The following CPO variants were observed in gnomAD, a reference collection of about 807,000 sequenced individuals.
CPO encodes carboxypeptidase O, also known as metallocarboxypeptidase C.
In CPO, 43 loss-of-function variants were observed where a neutral mutation model predicts 41.2. That is an observed-to-expected ratio of 1.04 (90% CI 0.82 to 1.35). The LOEUF (loss-of-function observed/expected upper bound fraction) is 1.35, where lower values mean the gene tolerates loss of function less well. Among genes scored for constraint, CPO ranks in the 40% most tolerant of loss-of-function variants. The probability of loss-of-function intolerance (pLI) is 0.00; values close to 1 mark genes in which losing one functional copy is unlikely to be tolerated. For missense variants in CPO, 408 were observed against 451.7 expected, an observed-to-expected ratio of 0.90 and a Z score of 0.88; for synonymous variants, 178 against 162.7, an observed-to-expected ratio of 1.09 and a Z score of -0.72.
intron 6 of CPO, among the ~76,000 whole-genome samples, chr2:206,961,334 C>T (rs1023588756): frequency 6.6e-6 from 1 of 152,160 alleles, no homozygotes; most frequent in Non-Finnish European, 1.5e-5. Flanking sequence ...ATGGCATTTT[C>T]ATGTTTCCAA....
chr2:206,957,099 C>T (rs1040010034), intron 3 of CPO, among the ~76,000 whole-genome samples: 1 of 152,078 alleles, frequency 6.6e-6, no homozygotes, highest in Non-Finnish European at 1.5e-5. Flanking sequence ...AGGACATTGG[C>T]GGGTGCGGTG....
chr2:206,958,732 T>G (rs893670199), intron 4 of CPO, among the ~76,000 whole-genome samples: 7 of 136,350 alleles, frequency 5.1e-5, no homozygotes, highest in Admixed American at 1.4e-4. Context: ...TTTCTAGTTT[T>G]TTTTTTTTTT....
intron 1 of CPO, among the ~76,000 whole-genome samples, chr2:206,943,506 A>T (rs1185491065): frequency 1.3e-5 from 2 of 152,002 alleles, no homozygotes; most frequent in Non-Finnish European, 1.5e-5. Flanking sequence ...GACAATTTGG[A>T]CGATTTTTTA....
At chr2:206,956,646 AC>A (rs1693372378) in intron 3 of CPO, among the ~76,000 whole-genome samples, 1 of 152,196 alleles carries the variant, frequency 6.6e-6, no homozygotes, top group Admixed American at 6.5e-5. Flanking sequence ...TGCATTTCTA[AC>A]AAGTTCCTAG....
At chr2:206,948,961 A>T (rs1693199145) in intron 1 of CPO, among the ~76,000 whole-genome samples, 1 of 152,106 alleles carries the variant, frequency 6.6e-6, no homozygotes, top group South Asian at 2.1e-4. Flanking sequence ...AAGATTGTGC[A>T]TGTGTGAGAA....
chr2:206,949,531 T>C, intron 1 of CPO, 86 bp from the exon 2 acceptor site: 1 of 905,962 alleles, frequency 1.1e-6, no homozygotes, highest in East Asian at 2.5e-5. Context: ...TGCACACTGA[T>C]TCTACTACCT....
At chr2:206,966,282 T>C (rs1693574682) in intron 7 of CPO, among the ~76,000 whole-genome samples, 1 of 151,356 alleles carries the variant, frequency 6.6e-6, no homozygotes, top group African/African-American at 2.4e-5. Context: ...GCAAGTGTAG[T>C]CTGGTCTGAT....
chr2:206,942,716 A>C (rs1201640960), intron 1 of CPO, among the ~76,000 whole-genome samples: 1 of 152,154 alleles, frequency 6.6e-6, no homozygotes, highest in Admixed American at 6.6e-5. Flanking sequence ...GAGACTGGTG[A>C]TAATTTGGGA....
At chr2:206,955,361 G>T (rs895535511) in intron 2 of CPO, 102 bp from the exon 3 acceptor site, 4 of 772,332 alleles carry the variant, frequency 5.2e-6, no homozygotes, top group African/African-American at 5.1e-5. Flanking sequence ...CTAGAGCAAA[G>T]ATAACAGAGT....
At chr2:206,956,406 T>TCAG (rs1322003320) in intron 3 of CPO, among the ~76,000 whole-genome samples, 2 of 128,544 alleles carry the variant, frequency 1.6e-5, no homozygotes, top group East Asian at 4.1e-4. Flanking sequence ...ACTTAAATCA[T>TCAG]CATCATCATC....
chr2:206,952,918 G>A (rs895017393), intron 2 of CPO, among the ~76,000 whole-genome samples: 25 of 152,314 alleles, frequency 1.6e-4, no homozygotes, highest in African/African-American at 6.0e-4. Flanking sequence ...ATGGCAGCAG[G>A]CAAGAGAGTG....
chr2:206,951,895 C>T (rs957840116), intron 2 of CPO, among the ~76,000 whole-genome samples: 16 of 152,180 alleles, frequency 1.1e-4, no homozygotes, highest in Admixed American at 4.6e-4. Context: ...TCTCTCAAGA[C>T]ATAAGGCATC....
In CPO at chr2:206,959,270, C is replaced by T. The variant is rs764769744; in HGVS notation, c.373-361C>T. Among the ~76,000 whole-genome samples, 3 of 152,238 alleles carry T rather than the reference C, an allele frequency of 2.0e-5. No homozygotes were observed. The East Asian group carries it at 5.8e-4, about 29-fold the overall frequency. ...AGAGAAACTCATAAAGAGTAGTTCT[C>T]GGAGTGTTGTCCCCAGATCAACAGT... On this transcript the variant is annotated intron_variant, in intron 4 of 8. Transcript: ENST00000272852.
intron 7 of CPO, 128 bp from the exon 8 acceptor site, chr2:206,968,135 G>C (rs1211082795): frequency 7.1e-6 from 5 of 707,590 alleles, no homozygotes; most frequent in African/African-American, 7.0e-5. Flanking sequence ...CCTAGATGTA[G>C]ATGTCCGATG....
At chr2:206,941,450 C>T (rs1559067692) in intron 1 of CPO, among the ~76,000 whole-genome samples, 1 of 151,912 alleles carries the variant, frequency 6.6e-6, no homozygotes, top group Non-Finnish European at 1.5e-5. Context: ...GTGATATTTT[C>T]TCCCTTCCCT....
At chr2:206,961,896 T>C (rs542860412) in intron 6 of CPO, among the ~76,000 whole-genome samples, 4 of 150,676 alleles carry the variant, frequency 2.7e-5, no homozygotes, top group Non-Finnish European at 5.9e-5. Flanking sequence ...ATTGAGACCA[T>C]CCTGGCTAAC....
intron 1 of CPO, among the ~76,000 whole-genome samples, chr2:206,940,397 A>G (rs1470354612): frequency 6.6e-6 from 1 of 152,136 alleles, no homozygotes; most frequent in Non-Finnish European, 1.5e-5. Flanking sequence ...ATCAGTCTAC[A>G]CTTCCAATAA....
intron 1 of CPO, among the ~76,000 whole-genome samples, chr2:206,940,265 A>C (rs1028796120): frequency 1.2e-4 from 18 of 151,854 alleles, no homozygotes; most frequent in African/African-American, 3.9e-4. Context: ...CAGCTACATA[A>C]TTTTTTTTGC....
intron 4 of CPO, 118 bp from the exon 5 acceptor site, chr2:206,959,513 G>A: frequency 1.6e-6 from 1 of 615,764 alleles, no homozygotes; most frequent in Non-Finnish European, 3.0e-6. Flanking sequence ...AGGGCTTGGG[G>A]ACTGGAGGGT....
Sources: gnomAD v4.1 joint callset for allele counts (sites outside exome capture counted in the v4.1 genomes callset) on GRCh38, gnomAD v4.1.1 for gene constraint, MANE v1.5 for transcripts, NCBI Gene and HGNC (gene_info 2026-07-23, HGNC 2026-07-21) for gene names.